HIVEP3: variants seen among roughly 807,000 people sequenced by gnomAD.
HIVEP3 encodes the protein HIVEP zinc finger 3.
HIVEP3 carries 49 observed loss-of-function variants against 152.8 expected under a neutral mutation model. That is an observed-to-expected ratio of 0.32 (90% CI 0.26 to 0.41). HIVEP3 has a LOEUF of 0.41. Among genes scored for constraint, HIVEP3 ranks in the 10% least tolerant of loss-of-function variants. HIVEP3 has a pLI of 1.00. For missense variants in HIVEP3, 2,790 were observed against 3,103.3 expected (o/e 0.90, Z 2.40); for synonymous variants, 1,269 against 1,289.0 (o/e 0.98, Z 0.33).
chr1:41,518,086 A>C (rs1229610104), intron 7 of HIVEP3, among the ~76,000 whole-genome samples: 7 of 152,210 alleles, frequency 4.6e-5, no homozygotes, highest in Non-Finnish European at 7.3e-5. Context: ...TCTTGTGTGC[A>C]TTTATTCAGT....
chr1:41,718,776 A>ACC (rs532999396), intron 1 of HIVEP3, among the ~76,000 whole-genome samples: 2,183 of 112,876 alleles, frequency 0.019, 23 homozygotes, highest in Non-Finnish European at 0.019. Context: ...TTTCACACCC[A>ACC]CACACACACA....
At chr1:42,011,900 T>C (rs950213627) in intron 1 of HIVEP3, among the ~76,000 whole-genome samples, 4 of 152,202 alleles carry the variant, frequency 2.6e-5, no homozygotes, top group African/African-American at 9.7e-5. Flanking sequence ...CCCTGCCCTT[T>C]TGCACTTTCG....
At chr1:42,016,072 C>A (rs1391881075) in intron 1 of HIVEP3, among the ~76,000 whole-genome samples, 4 of 152,176 alleles carry the variant, frequency 2.6e-5, no homozygotes, top group Admixed American at 2.0e-4. Flanking sequence ...CAAGGAACAG[C>A]AAGTAATGGA....
chr1:41,583,371 A>G lies in HIVEP3; in HGVS notation c.1427T>C (p.Val476Ala). 1 of 1,613,164 alleles carries G rather than the reference A, an allele frequency of 6.2e-7. No individual in the cohort carries two copies. The highest frequency in any genetic ancestry group is 8.5e-7 in the Non-Finnish European group (1 of 1,179,552). Reference protein sequence around the residue: ...TKLITINEAVVDTSEIDSVKP... With the variant: ...TKLITINEAVADTSEIDSVKP... ...CACGCTGTCGATCTCGCTGGTGTCC[A>G]CCACGGCCTCGTTGATGGTGATGAG... The change falls in exon 4 of 9, where the codon GTG becomes GCG. Residue 476 changes from valine to alanine, a missense_variant. Physicochemically the swap from Val to Ala is moderately conservative, Grantham distance 64. Coordinates refer to ENST00000372583, the MANE Select transcript of HIVEP3 (RefSeq NM_024503.5). The surrounding 1 kb of genome is among the most constrained non-coding windows in gnomAD (Gnocchi z 6.9).
At chr1:41,767,332 C>A (rs1399185619) in intron 1 of HIVEP3, among the ~76,000 whole-genome samples, 1 of 152,196 alleles carries the variant, frequency 6.6e-6, no homozygotes, top group Admixed American at 6.5e-5. Context: ...ATACAGCTCC[C>A]CCAACCGCTA....
At chr1:41,527,263 A>ACGCTCATCCACACACACCCACAG (rs1643002057) in intron 5 of HIVEP3, among the ~76,000 whole-genome samples, 12 of 81,942 alleles carry the variant, frequency 1.5e-4, no homozygotes, top group Admixed American at 2.5e-4. Flanking sequence ...ACACCCTCAC[A>ACGCTCATCCACACACACCCACAG]TGCTCACCCT....
rs200068014 is a variant in HIVEP3, at chr1:41,794,828, G to A, written c.-800-93833C>T. ...ATTTTGCAATAATCTTAGAATTACAGGAAAATTGCAAAGATAGTGCAGAGT... is the reference window on the plus strand; with the variant it reads ...ATTTTGCAATAATCTTAGAATTACAAGAAAATTGCAAAGATAGTGCAGAGT... On this transcript the variant is annotated intron_variant, in intron 1 of 8. Coordinates refer to ENST00000372583, the MANE Select transcript of HIVEP3 (RefSeq NM_024503.5). Among the ~76,000 whole-genome samples, 9 of 152,178 alleles carry A rather than the reference G, an allele frequency of 5.9e-5. No homozygotes were observed. The East Asian group carries it at 1.5e-3, about 26-fold the overall frequency.
intron 1 of HIVEP3, among the ~76,000 whole-genome samples, chr1:41,717,956 C>T (rs992059320): frequency 2.8e-4 from 42 of 152,204 alleles, no homozygotes; most frequent in African/African-American, 8.9e-4. Flanking sequence ...GCGCATGTCC[C>T]CCTGGAGCCT....
chr1:41,628,402 G>A (rs1645147511), intron 3 of HIVEP3, among the ~76,000 whole-genome samples: 1 of 152,192 alleles, frequency 6.6e-6, no homozygotes, highest in African/African-American at 2.4e-5. Flanking sequence ...AGTTGGACTG[G>A]CTTGTGGAGG....
intron 5 of HIVEP3, among the ~76,000 whole-genome samples, chr1:41,558,023 G>A (rs892224971): frequency 9.9e-5 from 15 of 152,178 alleles, no homozygotes; most frequent in Non-Finnish European, 1.9e-4. Flanking sequence ...CGGAGGTGGA[G>A]GAATGTGCCC....
At chr1:41,661,857 C>T (rs2124046721) in intron 2 of HIVEP3, among the ~76,000 whole-genome samples, 1 of 152,334 alleles carries the variant, frequency 6.6e-6, no homozygotes, top group East Asian at 1.9e-4. Flanking sequence ...AACGCGGGAA[C>T]GCTTGTGTCG....
intron 4 of HIVEP3, 132 bp downstream of exon 4, chr1:41,579,605 C>G: frequency 2.9e-6 from 3 of 1,033,078 alleles, no homozygotes; most frequent in Non-Finnish European, 4.2e-6. Flanking sequence ...CCAGTCTCAG[C>G]TTTCAGAGAG....
intron 1 of HIVEP3, among the ~76,000 whole-genome samples, chr1:41,886,402 GA>G (rs1389451260): frequency 6.6e-6 from 1 of 152,048 alleles, no homozygotes; most frequent in Non-Finnish European, 1.5e-5. Context: ...AAATAGGGGA[GA>G]AAAAATAGGA....
chr1:41,942,910 C>CT (rs34223452), intron 1 of HIVEP3, among the ~76,000 whole-genome samples: 1 of 144,850 alleles, frequency 6.9e-6, no homozygotes, highest in African/African-American at 2.6e-5. Context: ...TTTTTTTTTT[C>CT]TTTTTTTGAG....
At position 41,948,171 on chromosome 1, in the gene HIVEP3, C is replaced by T. The variant is rs571468445; in HGVS notation, n.120-29647G>A. On this transcript the variant is annotated intron_variant and non_coding_transcript_variant, in intron 1 of 3. Coordinates refer to the HIVEP3 transcript ENST00000489103. Reference sequence around the variant, plus strand: ...AAGTTCCTTCGTAGAAAAAGGACTTCGAAAAGCAGGGTATGCAGTGGTCAG... The same window carrying T: ...AAGTTCCTTCGTAGAAAAAGGACTTTGAAAAGCAGGGTATGCAGTGGTCAG... Among the ~76,000 whole-genome samples the T allele has an allele frequency of 3.6e-4, 55 of 152,240 alleles. 1 individual carries two copies. Among genetic ancestry groups the T allele is most frequent in the African/African-American group, 1.0e-3 (43 of 41,526 alleles).
chr1:41,826,332 T>C (rs1174686810), intron 1 of HIVEP3, among the ~76,000 whole-genome samples: 3 of 152,206 alleles, frequency 2.0e-5, no homozygotes, highest in Non-Finnish European at 4.4e-5. Context: ...CTAAACAGCA[T>C]GCTTGATTTT....
At chr1:41,760,737 C>T (rs1176982479) in intron 1 of HIVEP3, among the ~76,000 whole-genome samples, 1 of 152,224 alleles carries the variant, frequency 6.6e-6, no homozygotes, top group Non-Finnish European at 1.5e-5. Context: ...CACAATGCCT[C>T]TCCCCAGTTT....
intron 1 of HIVEP3, among the ~76,000 whole-genome samples, chr1:41,736,685 T>C (rs1245292079): frequency 6.6e-6 from 1 of 152,220 alleles, no homozygotes; most frequent in African/African-American, 2.4e-5. Context: ...CTCCGCAAAC[T>C]TTCACTGCCT....
intron 2 of HIVEP3, among the ~76,000 whole-genome samples, chr1:41,673,592 CA>C (rs917017687): frequency 6.6e-6 from 1 of 152,144 alleles, no homozygotes; most frequent in Admixed American, 6.5e-5. Context: ...TGAAACAAAC[CA>C]AAACCGCGAG....
Sources: gnomAD v4.1 joint callset for allele counts (sites outside exome capture counted in the v4.1 genomes callset) on GRCh38, gnomAD v4.1.1 for gene constraint, Gnocchi (gnomAD v3.1) non-coding constraint, MANE v1.5 for transcripts, NCBI Gene and HGNC (gene_info 2026-07-23, HGNC 2026-07-21) for gene names.